CDKL5: variants seen among roughly 807,000 people sequenced by gnomAD.
CDKL5 encodes cyclin dependent kinase like 5.
CDKL5 carries 8 observed loss-of-function variants against 61.7 expected under a neutral mutation model. The ratio of observed to expected loss-of-function variants is 0.13; its 90% CI spans 0.08 to 0.23. The LOEUF (loss-of-function observed/expected upper bound fraction) is 0.23, where lower values mean the gene tolerates loss of function less well. Ranked by LOEUF, CDKL5 falls within the 10% of genes least tolerant of loss-of-function variation. The probability of loss-of-function intolerance (pLI) is 1.00; values close to 1 mark genes in which losing one functional copy is unlikely to be tolerated. For missense variants in CDKL5, 440 were observed against 734.5 expected, an observed-to-expected ratio of 0.60 and a Z score of 4.63; for synonymous variants, 275 against 272.3, an observed-to-expected ratio of 1.01 and a Z score of -0.10.
At chrX:18,519,858 C>T (rs755918780) in intron 3 of CDKL5, among the ~76,000 whole-genome samples, 6 of 112,058 alleles carry the variant, frequency 5.4e-5, no homozygotes, top group South Asian at 3.7e-4. Context: ...GAAATTAAGA[C>T]GAAACAGTTA....
intron 12 of CDKL5, among the ~76,000 whole-genome samples, chrX:18,608,531 G>A (rs1202641798): frequency 9.0e-6 from 1 of 111,140 alleles, no homozygotes; most frequent in Non-Finnish European, 1.9e-5. Flanking sequence ...TATTAGAATG[G>A]TAATTTTTTT....
chrX:18,557,836 TAA>T (rs777226205), intron 3 of CDKL5, among the ~76,000 whole-genome samples: 5 of 112,316 alleles, frequency 4.5e-5, no homozygotes, highest in African/African-American at 1.3e-4. Flanking sequence ...TTGATGATTA[TAA>T]GTCTGTCTAG....
chrX:18,456,052 C>CT (rs548003382), intron 1 of CDKL5, among the ~76,000 whole-genome samples: 405 of 102,430 alleles, frequency 4.0e-3, no homozygotes, highest in Non-Finnish European at 5.8e-3. Flanking sequence ...TTCTTTCTTT[C>CT]TTTTTTTTTT....
intron 1 of CDKL5, among the ~76,000 whole-genome samples, chrX:18,436,148 G>A (rs1270344493): frequency 9.0e-6 from 1 of 111,394 alleles, no homozygotes; most frequent in Non-Finnish European, 1.9e-5. Context: ...TAAAATCATA[G>A]GAAGAGAAAA....
intron 3 of CDKL5, among the ~76,000 whole-genome samples, chrX:18,522,793 ATT>A (rs199694634): frequency 9.5e-5 from 8 of 84,613 alleles, no homozygotes; most frequent in Admixed American, 1.3e-4. Context: ...AATATTATCG[ATT>A]TTTTTTTTTT....
intron 1 of CDKL5, among the ~76,000 whole-genome samples, chrX:18,477,405 T>C (rs1414748189): frequency 8.9e-6 from 1 of 112,727 alleles, no homozygotes; most frequent in South Asian, 3.6e-4. Context: ...CTTTGCATTT[T>C]GATTGGATTG....
At position 18,597,132 on chromosome X, in the gene CDKL5, C is replaced by G. The variant is rs1021501515; in HGVS notation, c.826-1330C>G. Among the ~76,000 whole-genome samples, 3 of 110,713 alleles carry G rather than the reference C, an allele frequency of 2.7e-5. No individual in the cohort carries two copies. The South Asian group carries it at 1.2e-3, about 43-fold the overall frequency. On this transcript the variant is annotated intron_variant, in intron 10 of 17. Coordinates refer to ENST00000623535, the MANE Select transcript of CDKL5 (RefSeq NM_001323289.2). ...TCCAGGCTTTATGCCACCCCACCCC[C>G]CTCAGAAACCAGTTCCGACTTCTGT...
Position 18,595,493 on chromosome X carries a change from T to C in CDKL5, c.825+65T>C, listed in dbSNP as rs1217893408. 39 of 715,879 alleles carry C rather than the reference T, an allele frequency of 5.4e-5. No individual in the cohort carries two copies. The East Asian group carries it at 1.3e-3, about 23-fold the overall frequency. The allele number at this position is 715,879 out of a possible 1,213,427, so 59.0% of individuals were successfully genotyped here. ...GTTTGTGGATTCTTTTGTGTCTACA[T>C]GTGACCATAGCCTGCTTTTATGAAT... On this transcript the variant is annotated intron_variant, in intron 10 of 17. Coordinates refer to ENST00000623535, the MANE Select transcript of CDKL5 (RefSeq NM_001323289.2).
intron 9 of CDKL5, among the ~76,000 whole-genome samples, chrX:18,590,651 T>G (rs1348780781): frequency 9.0e-6 from 1 of 111,666 alleles, no homozygotes; most frequent in Non-Finnish European, 1.9e-5. Flanking sequence ...CTCCTTTTAT[T>G]TTTGCTTTTG....
chrX:18,609,621 T>C (rs776718274), intron 14 of CDKL5, 51 bp downstream of exon 14: 19 of 1,201,240 alleles, frequency 1.6e-5, no homozygotes, highest in Admixed American at 8.9e-5. Context: ...CCTCTCTCAC[T>C]TTATGTGCAC....
chrX:18,495,689 A>G (rs941472059), intron 1 of CDKL5, among the ~76,000 whole-genome samples: 1 of 111,432 alleles, frequency 9.0e-6, no homozygotes, highest in African/African-American at 3.3e-5. Context: ...TGTTCCTTGA[A>G]TTTATCAAAC....
In CDKL5 at chrX:18,442,660, C is replaced by A. The variant is rs577641448; in HGVS notation, c.-163+16965C>A. On this transcript the variant is annotated intron_variant, in intron 1 of 17. Coordinates refer to ENST00000623535, the MANE Select transcript of CDKL5 (RefSeq NM_001323289.2). ...AGGTGCCCGCCTCCACGCCCGGCTA[C>A]TTTTTTTGTATTTTTGGTAGAGACG... Among the ~76,000 whole-genome samples the A allele has an allele frequency of 6.5e-4, 72 of 110,640 alleles. No individual in the cohort carries two copies. In the South Asian group the frequency reaches 0.014, roughly 21 times the overall value.
At chrX:18,488,063 T>G (rs1921855830) in intron 1 of CDKL5, among the ~76,000 whole-genome samples, 1 of 111,765 alleles carries the variant, frequency 8.9e-6, no homozygotes, top group Non-Finnish European at 1.9e-5. Flanking sequence ...AATTCTATTA[T>G]GGAACAGTAG....
chrX:18,538,202 TG>T (rs1309002179), intron 3 of CDKL5, among the ~76,000 whole-genome samples: 1 of 112,125 alleles, frequency 8.9e-6, no homozygotes, highest in Non-Finnish European at 1.9e-5. Flanking sequence ...CTAAAAATGT[TG>T]AACACCGTTC....
At chrX:18,456,355 C>T (rs941460901) in intron 1 of CDKL5, among the ~76,000 whole-genome samples, 4 of 111,499 alleles carry the variant, frequency 3.6e-5, no homozygotes, top group Non-Finnish European at 7.5e-5. Flanking sequence ...CCCAACCTTC[C>T]GTCACAACCC....
At chrX:18,501,949 A>G (rs1223938855) in intron 1 of CDKL5, among the ~76,000 whole-genome samples, 15 of 112,339 alleles carry the variant, frequency 1.3e-4, no homozygotes, top group African/African-American at 4.8e-4. Flanking sequence ...GAACCATACC[A>G]TTATTGGCAG....
chrX:18,578,056 A>G (rs1031761423), intron 5 of CDKL5, among the ~76,000 whole-genome samples: 25 of 112,090 alleles, frequency 2.2e-4, no homozygotes, highest in African/African-American at 7.1e-4. Flanking sequence ...TACATACATC[A>G]TACTCGTAAT....
rs2238953 is a variant in CDKL5, at chrX:18,633,087, C to G, written c.*4330C>G. On this transcript the variant is annotated 3_prime_UTR_variant, in exon 18 of 18. Coordinates refer to ENST00000623535, the MANE Select transcript of CDKL5 (RefSeq NM_001323289.2). The stretch of plus-strand genomic sequence containing the variant: ...GGAGCTCAGCTGGGACTCAGTAAAT[C>G]TGCACGTTCTCTGCTGGTCAGAACA... 2.9e-5 allele frequency: 22 copies of G among 752,554 alleles called. No individual in the cohort carries two copies. The East Asian group carries it at 2.6e-3, about 89-fold the overall frequency. The allele number at this position is 752,554 out of a possible 1,213,427, so 62.0% of individuals were successfully genotyped here. A position where few individuals can be genotyped will look rare whatever the true frequency, so the allele number is the denominator to read the frequency against.
chrX:18,601,035 C>T (rs942682764), intron 11 of CDKL5, among the ~76,000 whole-genome samples: 1 of 111,739 alleles, frequency 8.9e-6, no homozygotes, highest in Non-Finnish European at 1.9e-5. Context: ...AACGATGGCT[C>T]CCTAAGACTT....
Sources: allele counts gnomAD v4.1 joint callset (sites outside exome capture counted in the v4.1 genomes callset), GRCh38; gene constraint gnomAD v4.1.1; transcripts MANE v1.5; gene names NCBI Gene and HGNC (gene_info 2026-07-23, HGNC 2026-07-21).